SNTB2: variants seen among roughly 807,000 people sequenced by gnomAD.
The protein encoded by SNTB2 is syntrophin beta 2.
In SNTB2, 34 loss-of-function variants were observed where a neutral mutation model predicts 46.2. The ratio of observed to expected loss-of-function variants is 0.74; its 90% CI spans 0.56 to 0.98. The LOEUF is 0.98. SNTB2 is among the 50% of genes least tolerant of loss of function. SNTB2 has a pLI of 0.00. For synonymous variants in SNTB2, 290 were observed against 312.6 expected, an observed-to-expected ratio of 0.93 and a Z score of 0.76; for missense variants, 603 against 731.4, an observed-to-expected ratio of 0.82 and a Z score of 2.02.
intron 1 of SNTB2, among the ~76,000 whole-genome samples, chr16:69,205,529 G>GT (rs940296990): frequency 6.6e-6 from 1 of 151,906 alleles, no homozygotes; most frequent in Non-Finnish European, 1.5e-5. Flanking sequence ...GATACCTCTT[G>GT]TGGCCCCTTG....
chr16:69,294,440 C>T (rs1483162189), intron 5 of SNTB2, among the ~76,000 whole-genome samples: 2 of 151,980 alleles, frequency 1.3e-5, no homozygotes, highest in African/African-American at 2.4e-5. Flanking sequence ...AAGGATTTTA[C>T]AGGCTGGGCA....
chr16:69,227,534 C>G (rs908658664), intron 1 of SNTB2, among the ~76,000 whole-genome samples: 2 of 152,174 alleles, frequency 1.3e-5, no homozygotes, highest in Non-Finnish European at 2.9e-5. Context: ...CCTAATGGCT[C>G]TACACAAACC....
At chr16:69,217,409 G>A (rs1394967540) in intron 1 of SNTB2, among the ~76,000 whole-genome samples, 2 of 152,102 alleles carry the variant, frequency 1.3e-5, no homozygotes, top group African/African-American at 2.4e-5. Context: ...AGGACATTGA[G>A]GCTGTAGTGA....
chr16:69,268,005 G>T (rs185916680), intron 3 of SNTB2, among the ~76,000 whole-genome samples: 137 of 152,316 alleles, frequency 9.0e-4, no homozygotes, highest in Non-Finnish European at 1.6e-3. Flanking sequence ...AAGTTTTGAT[G>T]ATGACAGGGC....
chr16:69,260,348 T>C, intron 3 of SNTB2, 88 bp downstream of exon 3: 6 of 1,211,736 alleles, frequency 5.0e-6, no homozygotes, highest in Admixed American at 2.0e-5. Context: ...ATACTTACCA[T>C]GCAGTTAGGA....
chr16:69,278,186 G>A (rs540074607), intron 4 of SNTB2, among the ~76,000 whole-genome samples: 17 of 152,170 alleles, frequency 1.1e-4, no homozygotes, highest in South Asian at 8.3e-4. Context: ...GCGTGGTGGC[G>A]CATGCCTATA....
chr16:69,190,858 A>G (rs894210732), intron 1 of SNTB2, among the ~76,000 whole-genome samples: 4 of 152,320 alleles, frequency 2.6e-5, no homozygotes, highest in Admixed American at 6.5e-5. Context: ...CCAGGATGAT[A>G]ATAACACCTC....
At chr16:69,267,885 T>A (rs1422887314) in intron 3 of SNTB2, among the ~76,000 whole-genome samples, 1 of 152,204 alleles carries the variant, frequency 6.6e-6, no homozygotes, top group Admixed American at 6.5e-5. Context: ...GATAAGTGAT[T>A]CATCAATTTG....
intron 1 of SNTB2, among the ~76,000 whole-genome samples, chr16:69,192,923 G>A (rs780432929): frequency 3.3e-5 from 5 of 151,978 alleles, no homozygotes; most frequent in Non-Finnish European, 7.4e-5. Flanking sequence ...GAGAATATGT[G>A]AAATGCAATT....
intron 2 of SNTB2, among the ~76,000 whole-genome samples, chr16:69,247,469 AT>A (rs1964681796): frequency 6.6e-6 from 1 of 152,176 alleles, no homozygotes; most frequent in Non-Finnish European, 1.5e-5. Context: ...TCTGATCTTA[AT>A]GCACAGCCAG....
rs74473966 is a variant in SNTB2, at chr16:69,285,685, C to T, written c.1345+1441C>T. On this transcript the variant is annotated intron_variant, in intron 5 of 6. Coordinates refer to ENST00000336278, the MANE Select transcript of SNTB2 (RefSeq NM_006750.4). ...TTTTTTTTTTTAAGTAGAGATGGGC[C>T]TCGCTTTGTTGCCCAGGCTGGTCTC... Among the ~76,000 whole-genome samples, 517 of 151,732 alleles carry T rather than the reference C, an allele frequency of 3.4e-3. 1 individual carries two copies. The highest frequency in any genetic ancestry group is 0.012 in the African/African-American group (502 of 41,306).
chr16:69,187,571 G>A lies in SNTB2; in HGVS notation c.405G>A (p.Glu135=). 1 of 1,522,818 alleles carries A rather than the reference G, an allele frequency of 6.6e-7. No individual in the cohort carries two copies. The highest frequency in any genetic ancestry group is 8.8e-7 in the Non-Finnish European group (1 of 1,137,910). 94.3% of individuals were successfully genotyped at this position (1,522,818 alleles called of 1,614,324 possible). A position where few individuals can be genotyped will look rare whatever the true frequency, so the allele number is the denominator to read the frequency against. Residue 135 remains glutamate (E), a synonymous_variant, in exon 1 of 7, where the codon GAG becomes GAA. Transcript: ENST00000336278. The part of the protein sequence containing the change: ...GLGISIKGGR[E]NRMPILISKI... Reference sequence around the variant, plus strand: ...GCATCAGCATCAAGGGCGGCCGCGAGAACCGGATGCCGATCCTCATCTCCA... The same window carrying A: ...GCATCAGCATCAAGGGCGGCCGCGAAAACCGGATGCCGATCCTCATCTCCA...
At chr16:69,215,060 C>T (rs990075503) in intron 1 of SNTB2, among the ~76,000 whole-genome samples, 12 of 151,938 alleles carry the variant, frequency 7.9e-5, no homozygotes, top group Non-Finnish European at 1.6e-4. Context: ...CCAGGCTGTT[C>T]CCGAACTCCT....
chr16:69,274,785 C>T (rs1346864849), intron 4 of SNTB2, among the ~76,000 whole-genome samples: 1 of 152,012 alleles, frequency 6.6e-6, no homozygotes, highest in East Asian at 1.9e-4. Flanking sequence ...ATAGTGAGAC[C>T]TCTGGTCTCA....
chr16:69,270,088 T>C, intron 3 of SNTB2, 55 bp from the exon 4 acceptor site: 1 of 1,609,340 alleles, frequency 6.2e-7, no homozygotes. Flanking sequence ...GAAGGAACTT[T>C]TACAAAGACG....
At chr16:69,273,189 CTAAA>C (rs750382384) in intron 4 of SNTB2, among the ~76,000 whole-genome samples, 1 of 152,190 alleles carries the variant, frequency 6.6e-6, no homozygotes, top group Non-Finnish European at 1.5e-5. Flanking sequence ...TTCTCAAAAG[CTAAA>C]CATAGAGTCA....
At chr16:69,252,400 G>A (rs1305819778) in intron 2 of SNTB2, among the ~76,000 whole-genome samples, 1 of 152,134 alleles carries the variant, frequency 6.6e-6, no homozygotes, top group Non-Finnish European at 1.5e-5. Flanking sequence ...GAGAACATGA[G>A]CCCCTTCCTT....
At chr16:69,247,581 G>A (rs1964683010) in intron 2 of SNTB2, among the ~76,000 whole-genome samples, 1 of 152,094 alleles carries the variant, frequency 6.6e-6, no homozygotes, top group African/African-American at 2.4e-5. Flanking sequence ...AGTATATTAT[G>A]TGGTTTGCTG....
At chr16:69,212,463 C>G (rs889794375) in intron 1 of SNTB2, among the ~76,000 whole-genome samples, 1 of 148,124 alleles carries the variant, frequency 6.8e-6, no homozygotes. Flanking sequence ...CTCAGCTTCC[C>G]AAGCAGCTGG....
Sources: allele counts gnomAD v4.1 joint callset (sites outside exome capture counted in the v4.1 genomes callset), GRCh38; gene constraint gnomAD v4.1.1; transcripts MANE v1.5; gene names NCBI Gene and HGNC (gene_info 2026-07-23, HGNC 2026-07-21).